CSMD1: variants seen among roughly 807,000 people sequenced by gnomAD.
CSMD1 encodes the protein CUB and sushi domain-containing protein 1.
In CSMD1, 213 loss-of-function variants were observed where a neutral mutation model predicts 417.5. The ratio of observed to expected loss-of-function variants is 0.51; its 90% CI spans 0.46 to 0.57. The LOEUF (loss-of-function observed/expected upper bound fraction) is 0.57. CSMD1 is among the 20% of genes least tolerant of loss of function. The pLI is 0.00. For synonymous variants in CSMD1, 2,862 were observed against 1,736.8 expected (o/e 1.65, Z -16.11); for missense variants, 6,923 against 4,529.7 (o/e 1.53, Z -15.17).
At chr8:3,572,785 A>G (rs1042712740) in intron 10 of CSMD1, among the ~76,000 whole-genome samples, 8 of 151,862 alleles carry the variant, frequency 5.3e-5, no homozygotes, top group African/African-American at 1.9e-4. Context: ...CATGTAATCT[A>G]TTTACTCTTA....
At chr8:4,576,527 A>T (rs1029531691) in intron 2 of CSMD1, among the ~76,000 whole-genome samples, 3 of 152,290 alleles carry the variant, frequency 2.0e-5, no homozygotes, top group South Asian at 2.1e-4. Context: ...CTATACCAAG[A>T]TAGCAAGGAC....
chr8:3,528,870 T>C (rs974081631), intron 10 of CSMD1, among the ~76,000 whole-genome samples: 1 of 152,238 alleles, frequency 6.6e-6, no homozygotes, highest in Non-Finnish European at 1.5e-5. Context: ...TTTAATACTC[T>C]GTATGTATTA....
At chr8:4,037,096 A>G (rs1461857773) in intron 3 of CSMD1, among the ~76,000 whole-genome samples, 1 of 152,142 alleles carries the variant, frequency 6.6e-6, no homozygotes, top group Non-Finnish European at 1.5e-5. Flanking sequence ...AACTGGAATA[A>G]TTGGATAAAT....
intron 1 of CSMD1, among the ~76,000 whole-genome samples, chr8:4,754,713 G>C (rs898846753): frequency 1.3e-5 from 2 of 152,068 alleles, no homozygotes; most frequent in Non-Finnish European, 2.9e-5. Context: ...GCCAAGCATG[G>C]TGGTGGGCGC....
chr8:3,003,518 G>C (rs1259246281), intron 52 of CSMD1, among the ~76,000 whole-genome samples: 1 of 152,184 alleles, frequency 6.6e-6, no homozygotes, highest in Admixed American at 6.5e-5. Flanking sequence ...CCACTGGGCA[G>C]TCATGTCCTT....
chr8:4,184,317 A>G (rs181826401), intron 3 of CSMD1, among the ~76,000 whole-genome samples: 46 of 152,308 alleles, frequency 3.0e-4, no homozygotes, highest in African/African-American at 9.6e-4. Flanking sequence ...GCTAACTCTT[A>G]AACATGAGTT....
At chr8:3,716,526 G>A (rs919652340) in intron 6 of CSMD1, among the ~76,000 whole-genome samples, 9 of 152,190 alleles carry the variant, frequency 5.9e-5, no homozygotes, top group African/African-American at 2.2e-4. Context: ...TGTGAGTGCA[G>A]CAGTGAGGAT....
chr8:4,275,178 T>G (rs1187846976), intron 3 of CSMD1, among the ~76,000 whole-genome samples: 2 of 152,126 alleles, frequency 1.3e-5, no homozygotes, highest in Non-Finnish European at 2.9e-5. Context: ...TTTCTGGGGT[T>G]TTTTCTTTCT....
rs772236278 is a variant in CSMD1 at position 2,949,386 on chromosome 8, C to T, written c.10315G>A (p.Val3439Met). The T allele has an allele frequency of 4.0e-6, 5 of 1,265,634 alleles. No individual in the cohort carries two copies. Among genetic ancestry groups the T allele is most frequent in the East Asian group, 2.6e-5 (1 of 39,168 alleles). 78.4% of individuals were successfully genotyped at this position (1,265,634 alleles called of 1,614,324 possible). A position where few individuals can be genotyped will look rare whatever the true frequency, so the allele number is the denominator to read the frequency against. Residue 3439 changes from valine (V) to methionine (M), a missense_variant and splice_region_variant, in exon 68 of 70, where the codon GTG becomes ATG. Val to Met is a conservative substitution (Grantham distance 21). Coordinates refer to ENST00000635120, the MANE Select transcript of CSMD1 (RefSeq NM_033225.6). ...ENDNWGLDGY[V>M]SSGLERGGFT... ...CCTCCTCTTTCAAGTCCAGATGACA[C>T]CTGACACATAGGAAAGAAAAGAAAA...
intron 3 of CSMD1, among the ~76,000 whole-genome samples, chr8:4,123,168 T>C (rs1802581561): frequency 6.6e-6 from 1 of 152,238 alleles, no homozygotes; most frequent in African/African-American, 2.4e-5. Context: ...GCTGAGATGT[T>C]TTTTATAACT....
chr8:3,371,975 AT>A (rs1205931349), intron 18 of CSMD1, among the ~76,000 whole-genome samples: 2 of 152,220 alleles, frequency 1.3e-5, no homozygotes, highest in African/African-American at 4.8e-5. Context: ...ATCAGGGATG[AT>A]TAATAATAAG....
chr8:4,843,621 T>C (rs1016185903), intron 1 of CSMD1, among the ~76,000 whole-genome samples: 2 of 152,218 alleles, frequency 1.3e-5, no homozygotes, highest in African/African-American at 4.8e-5. Context: ...TTCTGTTTTC[T>C]ATGGACCTAG....
chr8:3,758,244 G>A (rs536330561), intron 5 of CSMD1, among the ~76,000 whole-genome samples: 33 of 152,268 alleles, frequency 2.2e-4, no homozygotes, highest in South Asian at 1.4e-3. Context: ...GGTTACAGGC[G>A]TGAGCCATCA....
intron 3 of CSMD1, among the ~76,000 whole-genome samples, chr8:4,271,130 C>G (rs1322807310): frequency 6.6e-6 from 1 of 152,144 alleles, no homozygotes; most frequent in Non-Finnish European, 1.5e-5. Flanking sequence ...CTGCCTGGAG[C>G]TTACTCTGAA....
At chr8:3,389,285 T>A (rs544388320) in intron 17 of CSMD1, among the ~76,000 whole-genome samples, 1 of 152,150 alleles carries the variant, frequency 6.6e-6, no homozygotes, top group African/African-American at 2.4e-5. Context: ...AACCCTCTGA[T>A]AGGCCCCAGT....
intron 12 of CSMD1, among the ~76,000 whole-genome samples, chr8:3,446,266 G>C (rs1416177470): frequency 6.6e-6 from 1 of 152,206 alleles, no homozygotes; most frequent in Non-Finnish European, 1.5e-5. Context: ...AATCGGAAAC[G>C]TGTGCTGCAT....
rs566009126 is a variant in CSMD1 at position 3,176,055 on chromosome 8, G to A, written c.5725+5055C>T. Among the ~76,000 whole-genome samples, 5 of 152,230 alleles carry A rather than the reference G, an allele frequency of 3.3e-5. 1 individual carries two copies. Among genetic ancestry groups the A allele is most frequent in the African/African-American group, 9.6e-5 (4 of 41,554 alleles). ...GATGTCATTAGATGAGGTATTGAATGTTTCACTGTCTTGTTAGAAGTAAGC... is the reference window on the plus strand; with the variant it reads ...GATGTCATTAGATGAGGTATTGAATATTTCACTGTCTTGTTAGAAGTAAGC... On this transcript the variant is annotated intron_variant, in intron 37 of 69. Transcript: ENST00000635120.
chr8:3,835,528 T>A (rs1187001838), intron 5 of CSMD1, among the ~76,000 whole-genome samples: 1 of 151,750 alleles, frequency 6.6e-6, no homozygotes, highest in Non-Finnish European at 1.5e-5. Flanking sequence ...TGAGAACACA[T>A]GGACACAGGA....
intron 1 of CSMD1, among the ~76,000 whole-genome samples, chr8:4,937,141 A>G (rs1441562552): frequency 3.9e-5 from 6 of 152,312 alleles, no homozygotes; most frequent in Non-Finnish European, 2.9e-5. Context: ...TGGGCCCAGG[A>G]GCTCAAGGCT....
Sources: allele counts gnomAD v4.1 joint callset (sites outside exome capture counted in the v4.1 genomes callset), GRCh38; gene constraint gnomAD v4.1.1; transcripts MANE v1.5; gene names NCBI Gene and HGNC (gene_info 2026-07-23, HGNC 2026-07-21).